The following GRIK4 variants were observed in gnomAD, a reference collection of about 807,000 sequenced individuals.
GRIK4 encodes the protein glutamate receptor ionotropic, kainate 4.
In GRIK4, 40 loss-of-function variants were observed where a neutral mutation model predicts 104.9. The observed-to-expected ratio is 0.38, with a 90% confidence interval of 0.30 to 0.50. The LOEUF (loss-of-function observed/expected upper bound fraction) is 0.50, where lower values mean the gene tolerates loss of function less well. Ranked by LOEUF, GRIK4 falls within the 20% of genes least tolerant of loss-of-function variation. GRIK4 has a pLI of 0.93. For synonymous variants in GRIK4, 485 were observed against 524.9 expected, an observed-to-expected ratio of 0.92 and a Z score of 1.04; for missense variants, 1,047 against 1,308.1, an observed-to-expected ratio of 0.80 and a Z score of 3.08.
At chr11:120,562,675 T>TGTATACCAGGCTGTATACCTTAGCC (rs1336502562) in intron 1 of GRIK4, among the ~76,000 whole-genome samples, 2 of 152,106 alleles carry the variant, frequency 1.3e-5, no homozygotes, top group Non-Finnish European at 2.9e-5. Context: ...ATGGGGGGCC[T>TGTATACCAGGCTGTATACCTTAGCC]TGTATACCAG....
chr11:120,722,555 C>G (rs1175669807), intron 3 of GRIK4, among the ~76,000 whole-genome samples: 1 of 151,822 alleles, frequency 6.6e-6, no homozygotes. Context: ...TTGCAGTGAG[C>G]TGAGATCGTG....
intron 1 of GRIK4, among the ~76,000 whole-genome samples, chr11:120,557,194 G>T (rs908424765): frequency 6.6e-6 from 1 of 152,150 alleles, no homozygotes; most frequent in East Asian, 1.9e-4. Context: ...CTGGAGGACC[G>T]GATAGAATTC....
intron 3 of GRIK4, among the ~76,000 whole-genome samples, chr11:120,662,690 C>T (rs918956923): frequency 6.6e-6 from 1 of 152,180 alleles, no homozygotes; most frequent in African/African-American, 2.4e-5. Flanking sequence ...GGGGCTGCTG[C>T]TCCTCTCGCC....
chr11:120,554,547 TTTTTTC>T lies in GRIK4; in HGVS notation c.-159+42678_-159+42683del, dbSNP rs1277205487. Among the ~76,000 whole-genome samples, 10 of 151,988 alleles carry T rather than the reference TTTTTTC, an allele frequency of 6.6e-5. No individual in the cohort carries two copies. The South Asian group carries it at 1.2e-3, about 19-fold the overall frequency. Reference sequence around the variant, plus strand: ...TTCCAGTCTCTCTCTGTCGCTCTCTTTTTTTCTTTTTCTTTTTCTTTTTTTTTTTGA... The same window carrying T: ...TTCCAGTCTCTCTCTGTCGCTCTCTTTTTTTCTTTTTCTTTTTTTTTTTGA... On this transcript the variant is annotated intron_variant, in intron 1 of 20. Coordinates refer to ENST00000527524, the MANE Select transcript of GRIK4 (RefSeq NM_014619.5).
intron 3 of GRIK4, among the ~76,000 whole-genome samples, chr11:120,758,465 A>C (rs1164508943): frequency 6.6e-6 from 1 of 152,070 alleles, no homozygotes; most frequent in Non-Finnish European, 1.5e-5. Flanking sequence ...GAAATGCTGC[A>C]TTTTATATAT....
At chr11:120,908,776 A>T (rs1240277076) in intron 13 of GRIK4, among the ~76,000 whole-genome samples, 2 of 152,244 alleles carry the variant, frequency 1.3e-5, no homozygotes, top group South Asian at 4.1e-4. Flanking sequence ...TCTCTCACTG[A>T]CTGAAGTTCA....
At chr11:120,976,338 C>T (rs1380232860) in intron 19 of GRIK4, among the ~76,000 whole-genome samples, 1 of 152,182 alleles carries the variant, frequency 6.6e-6, no homozygotes, top group Non-Finnish European at 1.5e-5. Context: ...ATTATTCTCT[C>T]CAGAATGTGC....
At chr11:120,666,186 T>C (rs1338659244) in intron 3 of GRIK4, among the ~76,000 whole-genome samples, 1 of 152,244 alleles carries the variant, frequency 6.6e-6, no homozygotes, top group African/African-American at 2.4e-5. Context: ...CACATGTTAA[T>C]TCACTTTCCC....
chr11:120,814,630 G>T (rs1952896034), intron 4 of GRIK4, among the ~76,000 whole-genome samples: 1 of 152,076 alleles, frequency 6.6e-6, no homozygotes. Context: ...GCCCAGGAAG[G>T]TCTAAGGAGA....
rs1403574772 is a variant in GRIK4, at chr11:120,927,582, A to AG, written c.1477-12765_1477-12764insG. On this transcript the variant is annotated intron_variant, in intron 13 of 20. Coordinates refer to ENST00000527524, the MANE Select transcript of GRIK4 (RefSeq NM_014619.5). ...CTCTGTCTCAAAAAAAAAAAAAAAA[A>AG]AAAAAAAGAAAGAAAGAAAGAAAGG... is the stretch of plus-strand genomic sequence containing the variant. 2.7e-4 allele frequency among the ~76,000 whole-genome samples: 40 copies of AG among 149,216 alleles called. 1 individual carries two copies. In the East Asian group the frequency reaches 3.5e-3, roughly 13 times the overall value.
At chr11:120,611,088 G>C (rs570445431) in intron 1 of GRIK4, among the ~76,000 whole-genome samples, 250 of 152,306 alleles carry the variant, frequency 1.6e-3, no homozygotes, top group Non-Finnish European at 3.1e-3. Context: ...GAGAGGGTCA[G>C]CTCACCTTCG....
At chr11:120,692,568 G>A (rs143494907) in intron 3 of GRIK4, among the ~76,000 whole-genome samples, 23 of 152,248 alleles carry the variant, frequency 1.5e-4, no homozygotes, top group Admixed American at 5.2e-4. Flanking sequence ...TGAGAGACAC[G>A]TCCCTGGAGC....
intron 3 of GRIK4, among the ~76,000 whole-genome samples, chr11:120,801,996 C>T (rs1952629075): frequency 6.6e-6 from 1 of 152,232 alleles, no homozygotes; most frequent in Non-Finnish European, 1.5e-5. Flanking sequence ...GTTGGTATTA[C>T]ACCACTGCAG....
chr11:120,570,523 G>A (rs1430876200), intron 1 of GRIK4, among the ~76,000 whole-genome samples: 2 of 152,052 alleles, frequency 1.3e-5, no homozygotes, highest in African/African-American at 2.4e-5. Context: ...GCATCATCGC[G>A]GTTCACTGTA....
intron 3 of GRIK4, among the ~76,000 whole-genome samples, chr11:120,686,208 T>C (rs1430711441): frequency 6.6e-6 from 1 of 152,178 alleles, no homozygotes; most frequent in East Asian, 1.9e-4. Flanking sequence ...CAATTCTTCA[T>C]ACCTATCCTG....
At chr11:120,643,867 T>C (rs1949503631) in intron 1 of GRIK4, among the ~76,000 whole-genome samples, 1 of 152,192 alleles carries the variant, frequency 6.6e-6, no homozygotes, top group East Asian at 1.9e-4. Flanking sequence ...GTATTTATTT[T>C]CTCTGACCCT....
intron 4 of GRIK4, among the ~76,000 whole-genome samples, chr11:120,809,602 A>G (rs2135523940): frequency 1.3e-5 from 2 of 152,302 alleles, no homozygotes; most frequent in Middle Eastern, 3.4e-3. Context: ...TTAATGAGCA[A>G]TTTCTTTTTG....
At chr11:120,614,763 G>T (rs1385987442) in intron 1 of GRIK4, among the ~76,000 whole-genome samples, 1 of 152,220 alleles carries the variant, frequency 6.6e-6, no homozygotes, top group African/African-American at 2.4e-5. Context: ...ACTTTGGGAG[G>T]CCAAGGCGGG....
chr11:120,852,190 C>T (rs918026990), intron 8 of GRIK4, among the ~76,000 whole-genome samples: 2 of 152,144 alleles, frequency 1.3e-5, no homozygotes, highest in African/African-American at 4.8e-5. Flanking sequence ...ACCTAGAGAC[C>T]CAGAACAGTG....
Sources: allele counts gnomAD v4.1 joint callset (sites outside exome capture counted in the v4.1 genomes callset), GRCh38; gene constraint gnomAD v4.1.1; transcripts MANE v1.5; gene names NCBI Gene and HGNC (gene_info 2026-07-23, HGNC 2026-07-21).